The following UGT1A10 variants were observed in gnomAD, a reference collection of about 807,000 sequenced individuals.
UGT1A10 encodes the protein UDP-glucuronosyltransferase 1A10.
UGT1A10 carries 49 observed loss-of-function variants against 45.8 expected under a neutral mutation model. That is an observed-to-expected ratio of 1.07 (90% CI 0.85 to 1.36). The LOEUF is 1.36. Ranked by LOEUF, UGT1A10 falls within the 40% of genes most tolerant of loss-of-function variation. The pLI is 0.00. For missense variants in UGT1A10, 745 were observed against 668.6 expected (o/e 1.11, Z -1.26); for synonymous variants, 284 against 249.7 (o/e 1.14, Z -1.29).
intron 1 of UGT1A10, chr2:233,717,837 C>A (rs761149385): frequency 2.4e-5 from 11 of 455,250 alleles, no homozygotes; most frequent in South Asian, 1.7e-4. Context: ...CTGGAGGAAC[C>A]ATTCTTATCA....
At chr2:233,680,059 C>T (rs920463350) in intron 1 of UGT1A10, among the ~76,000 whole-genome samples, 10 of 151,838 alleles carry the variant, frequency 6.6e-5, no homozygotes, top group African/African-American at 2.4e-4. Context: ...TTGCAATGGT[C>T]CTTATCTATC....
chr2:233,743,524 C>G (rs751668012), intron 1 of UGT1A10: 19 of 1,367,170 alleles, frequency 1.4e-5, no homozygotes, highest in Non-Finnish European at 1.8e-5. Flanking sequence ...GCTTCTGCTT[C>G]CCCAGCAGTT....
intron 1 of UGT1A10, among the ~76,000 whole-genome samples, chr2:233,674,389 C>G (rs904545171): frequency 2.0e-5 from 3 of 152,126 alleles, no homozygotes; most frequent in Non-Finnish European, 4.4e-5. Context: ...CTTTACCCTC[C>G]ATAAATTATA....
intron 1 of UGT1A10, among the ~76,000 whole-genome samples, chr2:233,670,234 T>C (rs1001117090): frequency 2.6e-5 from 4 of 152,152 alleles, no homozygotes; most frequent in Admixed American, 1.3e-4. Flanking sequence ...TTGTCCTCCA[T>C]TGAGTAGGCT....
rs1170923656 is a variant in UGT1A10 at position 233,772,696 on chromosome 2, T to TA, written c.*143dup. The TA allele has an allele frequency of 2.8e-5, 41 of 1,482,484 alleles. No individual in the cohort carries two copies. The highest frequency in any genetic ancestry group is 3.6e-5 in the Non-Finnish European group (41 of 1,123,730). The allele number at this position is 1,482,484 out of a possible 1,614,324, so 91.8% of individuals were successfully genotyped here. ...TAAATTAATCAGCCCCAGAGTGCTT[T>TA]AAAAAATTCTCTTAAATAAAAATAA... On this transcript the variant is annotated 3_prime_UTR_variant, in exon 5 of 5. Transcript: ENST00000344644.
chr2:233,651,080 T>C (rs2125476289), intron 1 of UGT1A10, among the ~76,000 whole-genome samples: 1 of 152,314 alleles, frequency 6.6e-6, no homozygotes, highest in East Asian at 1.9e-4. Flanking sequence ...TTTAGACCTT[T>C]CAAGTGAGGC....
intron 1 of UGT1A10, chr2:233,760,242 A>C: frequency 6.2e-7 from 1 of 1,607,672 alleles, no homozygotes; most frequent in Non-Finnish European, 8.5e-7. Context: ...CCATATATAT[A>C]TATATAAGTA....
Position 233,719,132 on chromosome 2 carries a change from A to G in UGT1A10, c.856-47902A>G, listed in dbSNP as rs373602050. The G allele has an allele frequency of 5.0e-6, 8 of 1,614,122 alleles. No individual in the cohort carries two copies. The African/African-American group carries it at 6.7e-5, about 13-fold the overall frequency. On this transcript the variant is annotated intron_variant, in intron 1 of 4. Transcript: ENST00000344644. Reference sequence around the variant, plus strand: ...ACACTCAAGGGTTCTTTGAAACAGAACATCTTCTGAAGAGATATTCTAGAA... The same window carrying G: ...ACACTCAAGGGTTCTTTGAAACAGAGCATCTTCTGAAGAGATATTCTAGAA...
intron 1 of UGT1A10, among the ~76,000 whole-genome samples, chr2:233,695,536 C>CT (rs1487620347): frequency 1.3e-5 from 2 of 148,342 alleles, no homozygotes; most frequent in African/African-American, 5.0e-5. Flanking sequence ...TTTTCTTTTT[C>CT]TTTTTTAAAT....
chr2:233,695,863 A>G (rs933012349), intron 1 of UGT1A10, among the ~76,000 whole-genome samples: 2 of 152,224 alleles, frequency 1.3e-5, no homozygotes, highest in Non-Finnish European at 2.9e-5. Flanking sequence ...TCACTCAACA[A>G]CAAACAACGC....
intron 1 of UGT1A10, among the ~76,000 whole-genome samples, chr2:233,717,384 C>G (rs1271366561): frequency 6.6e-6 from 1 of 152,240 alleles, no homozygotes; most frequent in Non-Finnish European, 1.5e-5. Flanking sequence ...CAGACCTGCC[C>G]TCTCTGTGCC....
At chr2:233,671,009 C>T (rs1461140181) in intron 1 of UGT1A10, among the ~76,000 whole-genome samples, 1 of 152,126 alleles carries the variant, frequency 6.6e-6, no homozygotes, top group African/African-American at 2.4e-5. Flanking sequence ...TATTTGTAAA[C>T]CCAAACATAC....
At chr2:233,709,223 G>C (rs546469798) in intron 1 of UGT1A10, among the ~76,000 whole-genome samples, 1 of 152,140 alleles carries the variant, frequency 6.6e-6, no homozygotes, top group Non-Finnish European at 1.5e-5. Flanking sequence ...TGAGAGTTTG[G>C]GGGAGGGGTG....
At chr2:233,712,094 C>T (rs961406471) in intron 1 of UGT1A10, among the ~76,000 whole-genome samples, 7 of 152,220 alleles carry the variant, frequency 4.6e-5, no homozygotes, top group South Asian at 2.1e-4. Flanking sequence ...GATGAATGGA[C>T]ACTTCAGTCT....
intron 1 of UGT1A10, among the ~76,000 whole-genome samples, chr2:233,641,833 C>G (rs1167932254): frequency 4.6e-5 from 7 of 151,638 alleles, no homozygotes; most frequent in Non-Finnish European, 8.8e-5. Context: ...TCATGCCACT[C>G]TCTCCTGGCC....
chr2:233,730,068 G>T (rs1197768852), intron 1 of UGT1A10: 3 of 1,610,044 alleles, frequency 1.9e-6, no homozygotes, highest in African/African-American at 1.3e-5. Flanking sequence ...ATTTAAAATT[G>T]CTTCCATATT....
In UGT1A10 at chr2:233,648,039, A is replaced by G. The variant is rs548724447; in HGVS notation, c.855+10662A>G. 1.6e-5 allele frequency: 25 copies of G among 1,594,076 alleles called. No individual in the cohort carries two copies. The South Asian group carries it at 2.9e-4, about 18-fold the overall frequency. Reference sequence around the variant, plus strand: ...CAGAGGTGAGTTGGCAACTGGGAAGATCACTGAATTGCACAGTGAAGACTT... The same window carrying G: ...CAGAGGTGAGTTGGCAACTGGGAAGGTCACTGAATTGCACAGTGAAGACTT... On this transcript the variant is annotated intron_variant, in intron 1 of 4. Transcript: ENST00000344644.
chr2:233,664,559 C>T (rs889959899), intron 1 of UGT1A10, among the ~76,000 whole-genome samples: 2 of 152,166 alleles, frequency 1.3e-5, no homozygotes, highest in Admixed American at 1.3e-4. Context: ...AGTGTTTACT[C>T]ATGGTAGAAG....
chr2:233,743,464 C>T lies in UGT1A10; in HGVS notation c.856-23570C>T, dbSNP rs542057655. 5.5e-4 allele frequency: 753 copies of T among 1,366,482 alleles called. 6 individuals carry two copies. In the Admixed American group the frequency reaches 0.012, roughly 23 times the overall value. The allele number at this position is 1,366,482 out of a possible 1,614,324, so 84.6% of individuals were successfully genotyped here. On this transcript the variant is annotated intron_variant, in intron 1 of 4. Coordinates refer to ENST00000344644, the MANE Select transcript of UGT1A10 (RefSeq NM_019075.4). Reference sequence around the variant, plus strand: ...TGTATCAAAAGAAGAAAAAACACCCCCAAAAGCTGGAAATTCACTGAAGGC... The same window carrying T: ...TGTATCAAAAGAAGAAAAAACACCCTCAAAAGCTGGAAATTCACTGAAGGC...
Sources: allele counts gnomAD v4.1 joint callset (sites outside exome capture counted in the v4.1 genomes callset), GRCh38; gene constraint gnomAD v4.1.1; transcripts MANE v1.5; gene names NCBI Gene and HGNC (gene_info 2026-07-23, HGNC 2026-07-21).